BICD2: variants seen among roughly 807,000 people sequenced by gnomAD.
BICD2 encodes the protein BICD cargo adaptor 2.
BICD2 carries 25 observed loss-of-function variants against 72.9 expected under a neutral mutation model. The observed-to-expected ratio is 0.34, with a 90% CI of 0.25 to 0.48. The LOEUF is 0.48. Ranked by LOEUF, BICD2 falls within the 20% of genes least tolerant of loss-of-function variation. The pLI is 0.99. For missense variants in BICD2, 894 were observed against 1,175.2 expected (o/e 0.76, Z 3.50); for synonymous variants, 501 against 516.1 (o/e 0.97, Z 0.40).
In BICD2 at chr9:92,712,125, TCTTCACAAAC is replaced by T; in HGVS notation, c.*3019_*3028del. On this transcript the variant is annotated 3_prime_UTR_variant, in exon 7 of 7. Coordinates refer to ENST00000356884, the MANE Select transcript of BICD2 (RefSeq NM_001003800.2). ...CGTCGGCCCTCCTGATACCCTCAGCTCTTCACAAACGTGGCGTTCATACAGCTTGCTCAGC... is the reference window on the plus strand; with the variant it reads ...CGTCGGCCCTCCTGATACCCTCAGCTGTGGCGTTCATACAGCTTGCTCAGC... 1 of 152,616 alleles carries T rather than the reference TCTTCACAAAC, an allele frequency of 6.6e-6. No homozygotes were observed. Among genetic ancestry groups the T allele is most frequent in the East Asian group, 1.9e-4 (1 of 5,202 alleles). 9.5% of individuals were successfully genotyped at this position (152,616 alleles called of 1,614,324 possible). A position where few individuals can be genotyped will look rare whatever the true frequency, so the allele number is the denominator to read the frequency against.
rs956014092 is a variant in BICD2, at chr9:92,718,940, G to C, written c.1705C>G (p.Pro569Ala). ...GCCTCGGGGCTGGTGCGGCCCCCGG[G>C]ACTGGTGCGGCCGGCCCCGCCCTGG... ...EGQGGAGRTS[P>A]GGRTSPEARG... is the part of the protein sequence containing the mutation. The change falls in exon 5 of 7, where the codon CCC becomes GCC. Residue 569 changes from proline (P) to alanine (A), a missense_variant. By Grantham distance (27) the Pro-to-Ala change is conservative. Transcript: ENST00000356884. 3.1e-6 allele frequency: 5 copies of C among 1,608,992 alleles called. No individual in the cohort carries two copies. Among genetic ancestry groups the C allele is most frequent in the African/African-American group, 2.7e-5 (2 of 74,860 alleles).
Position 92,753,103 on chromosome 9 carries a change from C to G in BICD2, c.240+11402G>C, listed in dbSNP as rs78149927. On this transcript the variant is annotated intron_variant, in intron 1 of 6. Transcript: ENST00000356884. ...TCTTCCTCCCCCAAACCCATAATCC[C>G]AATCTAACCACGAGAAAAAACATCA... Among the ~76,000 whole-genome samples, 80 of 152,288 alleles carry G rather than the reference C, an allele frequency of 5.3e-4. 2 individuals are homozygous for G. The East Asian group carries it at 0.015, about 29-fold the overall frequency.
chr9:92,729,436 G>A (rs992094824), intron 1 of BICD2, among the ~76,000 whole-genome samples, 200 bp from the exon 2 acceptor site: 19 of 152,268 alleles, frequency 1.2e-4, no homozygotes, highest in Admixed American at 1.2e-3. Context: ...GCAACAAGCT[G>A]CACCCAAGGT....
intron 1 of BICD2, among the ~76,000 whole-genome samples, chr9:92,758,808 C>T (rs1409298585): frequency 5.3e-5 from 8 of 151,610 alleles, no homozygotes; most frequent in Non-Finnish European, 7.4e-5. Context: ...GAGCCAAGAT[C>T]GCGCCATTGC....
At position 92,711,943 on chromosome 9, in the gene BICD2, A is replaced by C. The variant is rs1161216799; in HGVS notation, c.*3211T>G. ...AACCTCACTCAGCAAACAAAACAGG[A>C]TGTAGACCTGGTTTGCTAAGGAGTT... On this transcript the variant is annotated 3_prime_UTR_variant, in exon 7 of 7. Coordinates refer to ENST00000356884, the MANE Select transcript of BICD2 (RefSeq NM_001003800.2). 1 of 152,580 alleles carries C rather than the reference A, an allele frequency of 6.6e-6. No individual in the cohort carries two copies. Among genetic ancestry groups the C allele is most frequent in the Non-Finnish European group, 1.5e-5 (1 of 68,040 alleles). The allele number at this position is 152,580 out of a possible 1,614,324, so 9.5% of individuals were successfully genotyped here. A position where few individuals can be genotyped will look rare whatever the true frequency, so the allele number is the denominator to read the frequency against.
rs1275101858 is a variant in BICD2 at position 92,713,490 on chromosome 9, A to G, written c.*1664T>C. The G allele has an allele frequency of 1.3e-6, 2 of 1,585,058 alleles. No homozygotes were observed. Among genetic ancestry groups the G allele is most frequent in the East Asian group, 2.3e-5 (1 of 44,122 alleles). On this transcript the variant is annotated 3_prime_UTR_variant, in exon 7 of 7. Coordinates refer to ENST00000356884, the MANE Select transcript of BICD2 (RefSeq NM_001003800.2). Reference sequence around the variant, plus strand: ...AAAACGGGAGAAAAGAGAGCGTTAGAAAGCGGTCATCTGTCGCTTCCTGTT... The same window carrying G: ...AAAACGGGAGAAAAGAGAGCGTTAGGAAGCGGTCATCTGTCGCTTCCTGTT...
intron 1 of BICD2, among the ~76,000 whole-genome samples, chr9:92,749,130 T>G (rs529674676): frequency 1.2e-3 from 183 of 151,686 alleles, no homozygotes; most frequent in Admixed American, 2.5e-3. Flanking sequence ...CAGGAGTCCC[T>G]GCAAGACAGG....
At chr9:92,732,450 A>G (rs1853696850) in intron 1 of BICD2, among the ~76,000 whole-genome samples, 1 of 152,250 alleles carries the variant, frequency 6.6e-6, no homozygotes, top group African/African-American at 2.4e-5. Flanking sequence ...TTTGATGAAA[A>G]TTATAAACCC....
At chr9:92,719,685 C>G (rs1853418693) in intron 4 of BICD2, 103 bp from the exon 5 acceptor site, 1 of 1,268,928 alleles carries the variant, frequency 7.9e-7, no homozygotes, top group African/African-American at 1.5e-5. Context: ...CATGTCAGGG[C>G]AGGCTGTCAG....
Position 92,713,617 on chromosome 9 carries a change from TGTC to T in BICD2, c.*1534_*1536del, listed in dbSNP as rs948678884. 5.9e-6 allele frequency: 9 copies of T among 1,515,970 alleles called. No individual in the cohort carries two copies. The African/African-American group carries it at 1.1e-4, about 19-fold the overall frequency. 93.9% of individuals were successfully genotyped at this position (1,515,970 alleles called of 1,614,324 possible). A position where few individuals can be genotyped will look rare whatever the true frequency, so the allele number is the denominator to read the frequency against. ...TTAGCAGGGGTCCCAGTGGCTTGGGTGTCTGCAAAGTCCCTTAGGAGTATGGAG... is the reference window on the plus strand; with the variant it reads ...TTAGCAGGGGTCCCAGTGGCTTGGGTTGCAAAGTCCCTTAGGAGTATGGAG... On this transcript the variant is annotated 3_prime_UTR_variant, in exon 7 of 7. Coordinates refer to ENST00000356884, the MANE Select transcript of BICD2 (RefSeq NM_001003800.2).
chr9:92,739,970 C>A (rs985560563), intron 1 of BICD2, among the ~76,000 whole-genome samples: 13 of 152,102 alleles, frequency 8.5e-5, no homozygotes, highest in Admixed American at 8.5e-4. Flanking sequence ...GGTTCTCAGG[C>A]CTATTAAGCT....
At chr9:92,726,275 ACTGTAAAGC>A (rs1853565809) in intron 2 of BICD2, among the ~76,000 whole-genome samples, 1 of 152,164 alleles carries the variant, frequency 6.6e-6, no homozygotes, top group Non-Finnish European at 1.5e-5. Flanking sequence ...TATGTTTGTT[ACTGTAAAGC>A]TTCACAGGTC....
chr9:92,734,225 T>C (rs1402310808), intron 1 of BICD2, among the ~76,000 whole-genome samples: 3 of 151,846 alleles, frequency 2.0e-5, no homozygotes, highest in African/African-American at 7.3e-5. Flanking sequence ...GTTAGCATAG[T>C]TGGCAGCTGG....
chr9:92,722,519 T>A, intron 3 of BICD2, 137 bp downstream of exon 3: 1 of 1,117,672 alleles, frequency 8.9e-7, no homozygotes, highest in East Asian at 2.6e-5. Flanking sequence ...GCCTCCACAG[T>A]GGTAAAGCTG....
At chr9:92,743,055 T>G (rs1288235963) in intron 1 of BICD2, among the ~76,000 whole-genome samples, 1 of 152,210 alleles carries the variant, frequency 6.6e-6, no homozygotes, top group Non-Finnish European at 1.5e-5. Context: ...AACTGCCAAA[T>G]TTTCCACAAG....
intron 1 of BICD2, among the ~76,000 whole-genome samples, chr9:92,751,288 C>T (rs1286571651): frequency 6.6e-6 from 1 of 151,908 alleles, no homozygotes; most frequent in Non-Finnish European, 1.5e-5. Flanking sequence ...GTAGCTGGGA[C>T]TGCAGACACC....
intron 1 of BICD2, among the ~76,000 whole-genome samples, chr9:92,761,375 G>A (rs1333705652): frequency 1.3e-5 from 2 of 152,200 alleles, no homozygotes; most frequent in Non-Finnish European, 2.9e-5. Context: ...TGGGTGCTGT[G>A]CCCAGTCCAA....
chr9:92,729,111 C>T lies in BICD2; in HGVS notation c.366G>A (p.Gln122=), dbSNP rs1853628134. 1 of 1,614,146 alleles carries T rather than the reference C, an allele frequency of 6.2e-7. No individual in the cohort carries two copies. The highest frequency in any genetic ancestry group is 1.3e-5 in the African/African-American group (1 of 74,942). The change falls in exon 2 of 7, where the codon CAG becomes CAA. Residue 122 remains glutamine (Q), a synonymous_variant. Coordinates refer to ENST00000356884, the MANE Select transcript of BICD2 (RefSeq NM_001003800.2). ...QYYVRKVLEL[Q]TELKQLRNVL... is the part of the protein sequence containing the mutation. Reference sequence around the variant, plus strand: ...CATTGCGCAACTGCTTCAGCTCCGTCTGCAGCTCTAGCACCTTCCGCACGT... The same window carrying T: ...CATTGCGCAACTGCTTCAGCTCCGTTTGCAGCTCTAGCACCTTCCGCACGT...
At chr9:92,749,188 G>T (rs2131528846) in intron 1 of BICD2, among the ~76,000 whole-genome samples, 1 of 152,152 alleles carries the variant, frequency 6.6e-6, no homozygotes, top group Admixed American at 6.5e-5. Context: ...AGAGGGTGGG[G>T]CCTCCTGGGA....
Sources: gnomAD v4.1 joint callset for allele counts (sites outside exome capture counted in the v4.1 genomes callset) on GRCh38, gnomAD v4.1.1 for gene constraint, MANE v1.5 for transcripts, NCBI Gene and HGNC (gene_info 2026-07-23, HGNC 2026-07-21) for gene names.